Variants in ACAP2 observed in about 807,000 individuals in gnomAD.
ACAP2 encodes ArfGAP with coiled-coil, ankyrin repeat and PH domains 2.
A neutral mutation model predicts 115.8 loss-of-function variants in ACAP2; 39 were observed. The ratio of observed to expected loss-of-function variants is 0.34; its 90% CI spans 0.26 to 0.44. The LOEUF is 0.44. Among genes scored for constraint, ACAP2 ranks in the 20% least tolerant of loss-of-function variants. The pLI is 1.00. For missense variants in ACAP2, 662 were observed against 927.6 expected, an observed-to-expected ratio of 0.71 and a Z score of 3.72; for synonymous variants, 289 against 315.8, an observed-to-expected ratio of 0.92 and a Z score of 0.90.
At chr3:195,285,625 A>G in intron 22 of ACAP2, 171 bp downstream of exon 22, 1 of 549,960 alleles carries the variant, frequency 1.8e-6, no homozygotes, top group Non-Finnish European at 3.2e-6. Flanking sequence ...CCAAGGATTC[A>G]GTTAAGTACA....
At chr3:195,441,922 C>T (rs1353124049) in intron 1 of ACAP2, 1 of 152,252 alleles carries the variant, frequency 6.6e-6, no homozygotes, top group Admixed American at 6.5e-5. Context: ...TCGGAGTGCC[C>T]CCATGTCAAC....
Position 195,416,342 on chromosome 3 carries a change from C to CAA in ACAP2, c.54-24197_54-24196dup, listed in dbSNP as rs796780762. 1.9e-3 allele frequency among the ~76,000 whole-genome samples: 209 copies of CAA among 110,258 alleles called. 9 individuals carry two copies. Among genetic ancestry groups the CAA allele is most frequent in the Non-Finnish European group, 4.9e-4 (25 of 51,342 alleles). The allele number at this position is 110,258 out of a possible 152,430, so 72.3% of individuals were successfully genotyped here. A position where few individuals can be genotyped will look rare whatever the true frequency, so the allele number is the denominator to read the frequency against. On this transcript the variant is annotated intron_variant, in intron 1 of 22. Transcript: ENST00000326793. ...GCCTGGTGACAGAGCAAGACGCCGT[C>CAA]AAAAAAAAAAAAAAAATCCTCAACA...
intron 21 of ACAP2, among the ~76,000 whole-genome samples, chr3:195,288,374 G>A (rs1252318179): frequency 6.6e-6 from 1 of 152,146 alleles, no homozygotes; most frequent in Admixed American, 6.5e-5. Flanking sequence ...TACATTTAAT[G>A]TGCTTAGAGA....
chr3:195,296,644 T>G (rs909795924), intron 16 of ACAP2, among the ~76,000 whole-genome samples: 6 of 152,170 alleles, frequency 3.9e-5, no homozygotes, highest in African/African-American at 1.4e-4. Context: ...GTACCAACTC[T>G]TAGCCACTTC....
chr3:195,293,454 A>G (rs760032208), intron 18 of ACAP2, among the ~76,000 whole-genome samples: 37 of 152,376 alleles, frequency 2.4e-4, no homozygotes, highest in South Asian at 6.2e-4. Flanking sequence ...GCCACAAGGA[A>G]AGATAAACGA....
chr3:195,418,241 G>A (rs528411124), intron 1 of ACAP2, among the ~76,000 whole-genome samples: 1 of 152,250 alleles, frequency 6.6e-6, no homozygotes, highest in East Asian at 1.9e-4. Context: ...ATGCAAGACA[G>A]AGGTCTTTCT....
In ACAP2 at chr3:195,284,511, T is replaced by A. The variant is rs1198602498; in HGVS notation, c.2236+1285A>T. On this transcript the variant is annotated intron_variant, in intron 22 of 22. Transcript: ENST00000326793. ...AGGATTCAAGTGGGACACCCTAGATTAGAAATATCTAGCTGAAGTGCCTCT... is the reference window on the plus strand; with the variant it reads ...AGGATTCAAGTGGGACACCCTAGATAAGAAATATCTAGCTGAAGTGCCTCT... Among the ~76,000 whole-genome samples the A allele has an allele frequency of 5.3e-5, 8 of 152,194 alleles. No homozygotes were observed. The East Asian group carries it at 1.5e-3, about 29-fold the overall frequency.
Position 195,381,909 on chromosome 3 carries a change from G to A in ACAP2, c.225C>T (p.Val75=), listed in dbSNP as rs769640698. 1.1e-5 allele frequency: 18 copies of A among 1,592,264 alleles called. No individual in the cohort carries two copies. Among genetic ancestry groups the A allele is most frequent in the South Asian group, 2.3e-5 (2 of 86,380 alleles). Residue 75 remains valine (V), a synonymous_variant, in exon 3 of 23, where the codon GTC becomes GTT. Coordinates refer to ENST00000326793, the MANE Select transcript of ACAP2 (RefSeq NM_012287.6). ...CAATTTTAGTAATACTAACCTCAAC[G>A]ACAGCATCATTACTAGAATACTGAG... The part of the protein sequence containing the change: ...DLAQYSSNDA[V]VETSLTKFSD...
intron 9 of ACAP2, among the ~76,000 whole-genome samples, chr3:195,323,351 A>C (rs1729572032): frequency 6.6e-6 from 1 of 152,212 alleles, no homozygotes. Flanking sequence ...ATCAATATTA[A>C]AAGAGATTAC....
rs1553843249 is a variant in ACAP2 at position 195,290,848 on chromosome 3, A to ATAAT, written c.2063+854_2063+857dup. On this transcript the variant is annotated intron_variant, in intron 20 of 22. Coordinates refer to ENST00000326793, the MANE Select transcript of ACAP2 (RefSeq NM_012287.6). ...AATAAATAAATAAATAAATAAATAA[A>ATAAT]TAATAAATAAATAAATAAATAAATA... is the stretch of plus-strand genomic sequence containing the variant. 1.4e-3 allele frequency among the ~76,000 whole-genome samples: 62 copies of ATAAT among 43,596 alleles called. 2 individuals carry two copies. The East Asian group carries it at 0.018, about 13-fold the overall frequency. 28.6% of individuals were successfully genotyped at this position (43,596 alleles called of 152,430 possible). A position where few individuals can be genotyped will look rare whatever the true frequency, so the allele number is the denominator to read the frequency against.
chr3:195,442,020 C>G (rs1397980044), intron 1 of ACAP2: 1 of 152,524 alleles, frequency 6.6e-6, no homozygotes, highest in Non-Finnish European at 1.5e-5. Flanking sequence ...AGGCAATCTT[C>G]ACGGCCCTCC....
chr3:195,368,566 T>C (rs186810891), intron 4 of ACAP2, among the ~76,000 whole-genome samples: 6 of 152,370 alleles, frequency 3.9e-5, no homozygotes. Flanking sequence ...TATCATTTCA[T>C]GTTATTTTTC....
intron 9 of ACAP2, among the ~76,000 whole-genome samples, chr3:195,321,196 A>AT (rs1345801929): frequency 6.7e-6 from 1 of 150,140 alleles, no homozygotes; most frequent in East Asian, 1.9e-4. Context: ...GACGTTTAAA[A>AT]TTCTTTTGTT....
chr3:195,416,994 C>T (rs1264171435), intron 1 of ACAP2, among the ~76,000 whole-genome samples: 2 of 151,650 alleles, frequency 1.3e-5, no homozygotes, highest in Non-Finnish European at 2.9e-5. Context: ...TGACTCACTG[C>T]AGCCTCAACT....
chr3:195,414,021 AGAG>A (rs936986161), intron 1 of ACAP2, among the ~76,000 whole-genome samples: 14 of 152,144 alleles, frequency 9.2e-5, no homozygotes, highest in African/African-American at 2.7e-4. Flanking sequence ...AAGAAAGAAA[AGAG>A]GAGGAGAAAC....
At chr3:195,371,653 C>G (rs953377899) in intron 4 of ACAP2, among the ~76,000 whole-genome samples, 5 of 151,972 alleles carry the variant, frequency 3.3e-5, no homozygotes, top group Admixed American at 6.6e-5. Flanking sequence ...GGGAATGCTC[C>G]CAAAATTCTT....
At chr3:195,311,578 C>T (rs112924312) in intron 10 of ACAP2, among the ~76,000 whole-genome samples, 3,283 of 152,184 alleles carry the variant, frequency 0.022, 116 homozygotes, top group East Asian at 0.1. Flanking sequence ...ACTCTGTTGC[C>T]CAGGTTGGAG....
intron 13 of ACAP2, 45 bp from the exon 14 acceptor site, chr3:195,302,219 G>A: frequency 6.0e-6 from 9 of 1,490,090 alleles, no homozygotes; most frequent in Non-Finnish European, 8.3e-6. Context: ...AAAAAAGATT[G>A]AAATACTTTG....
Position 195,277,667 on chromosome 3 carries a change from G to A in ACAP2, c.*1661C>T, listed in dbSNP as rs549214193. On this transcript the variant is annotated 3_prime_UTR_variant, in exon 23 of 23. Transcript: ENST00000326793. ...ATGTTAGAAAATTTATCTATAATTG[G>A]ATCATAAAGTTTTTATATATTTTAA... The A allele has an allele frequency of 4.6e-5, 7 of 152,208 alleles. No homozygotes were observed. In the South Asian group the frequency reaches 1.5e-3, roughly 32 times the overall value. 9.4% of individuals were successfully genotyped at this position (152,208 alleles called of 1,614,324 possible). A position where few individuals can be genotyped will look rare whatever the true frequency, so the allele number is the denominator to read the frequency against.
Sources: gnomAD v4.1 joint callset for allele counts (sites outside exome capture counted in the v4.1 genomes callset) on GRCh38, gnomAD v4.1.1 for gene constraint, MANE v1.5 for transcripts, NCBI Gene and HGNC (gene_info 2026-07-23, HGNC 2026-07-21) for gene names.